Variants in EVA1A observed in about 807,000 individuals in gnomAD.
EVA1A encodes protein eva-1 homolog A.
In EVA1A, 7 loss-of-function variants were observed where a neutral mutation model predicts 9.8. The ratio of observed to expected loss-of-function variants is 0.71; its 90% CI spans 0.41 to 1.34. The LOEUF (loss-of-function observed/expected upper bound fraction) is 1.34. EVA1A is among the 40% of genes most tolerant of loss of function. The pLI, the probability that EVA1A is intolerant of heterozygous loss-of-function variation, is 0.01. For synonymous variants in EVA1A, 90 were observed against 85.6 expected (o/e 1.05, Z -0.28); for missense variants, 206 against 205.9 (o/e 1.00, Z 0.00).
rs190585210 is a variant in EVA1A at position 75,493,728 on chromosome 2, T to C, written c.86-119A>G. 28 of 880,366 alleles carry C rather than the reference T, an allele frequency of 3.2e-5. No homozygotes were observed. The African/African-American group carries it at 4.2e-4, about 13-fold the overall frequency. 54.5% of individuals were successfully genotyped at this position (880,366 alleles called of 1,614,324 possible). A position where few individuals can be genotyped will look rare whatever the true frequency, so the allele number is the denominator to read the frequency against. On this transcript the variant is annotated intron_variant, in intron 3 of 3. Transcript: ENST00000393913. ...CCCAAAGTTTTGATGGTTACAAATA[T>C]TGTCCTCCAATGTGACATATTTTAT...
chr2:75,566,926 G>T (rs921422147), intron 1 of EVA1A, among the ~76,000 whole-genome samples: 1 of 151,814 alleles, frequency 6.6e-6, no homozygotes, highest in Non-Finnish European at 1.5e-5. Flanking sequence ...TGGCTAACAA[G>T]GTTAAATAAG....
chr2:75,562,135 T>C (rs1676938822), upstream of EVA1A, among the ~76,000 whole-genome samples: 2 of 152,252 alleles, frequency 1.3e-5, no homozygotes, highest in African/African-American at 4.8e-5. Context: ...ATGATTCAAA[T>C]GTGCATTAGA....
At chr2:75,509,926 G>C (rs180881093) in intron 3 of EVA1A, among the ~76,000 whole-genome samples, 18 of 152,114 alleles carry the variant, frequency 1.2e-4, no homozygotes, top group African/African-American at 4.3e-4. Context: ...CTAATGAAGT[G>C]GGGGGTGGGA....
At chr2:75,513,026 C>G (rs748762949) in intron 3 of EVA1A, among the ~76,000 whole-genome samples, 1 of 152,180 alleles carries the variant, frequency 6.6e-6, no homozygotes, top group Non-Finnish European at 1.5e-5. Context: ...TCTACTGGAA[C>G]CTCCTTCCAT....
chr2:75,520,973 C>T (rs965463395), intron 2 of EVA1A, among the ~76,000 whole-genome samples: 1 of 152,240 alleles, frequency 6.6e-6, no homozygotes, highest in East Asian at 1.9e-4. Context: ...AGACTGCTAC[C>T]TATCCTAATT....
At chr2:75,546,546 T>C (rs1023539710) in intron 1 of EVA1A, among the ~76,000 whole-genome samples, 1 of 152,090 alleles carries the variant, frequency 6.6e-6, no homozygotes, top group African/African-American at 2.4e-5. Context: ...AAGCAGTGTA[T>C]ATACGACGTG....
intron 1 of EVA1A, among the ~76,000 whole-genome samples, chr2:75,534,487 C>T (rs1214748532): frequency 1.5e-5 from 2 of 130,282 alleles, no homozygotes; most frequent in Non-Finnish European, 3.2e-5. Context: ...AATTCTAAAA[C>T]AATGTTCAAG....
In EVA1A at chr2:75,516,519, C is replaced by A. The variant is rs73938928; in HGVS notation, c.85+1537G>T. Among the ~76,000 whole-genome samples the A allele has an allele frequency of 9.4e-3, 1,424 of 152,288 alleles. 21 individuals carry two copies. Among genetic ancestry groups the A allele is most frequent in the African/African-American group, 0.033 (1,359 of 41,572 alleles). On this transcript the variant is annotated intron_variant, in intron 3 of 3. Coordinates refer to ENST00000393913, the MANE Select transcript of EVA1A (RefSeq NM_001135032.2). The stretch of plus-strand genomic sequence containing the variant: ...AAAAACAGGGCCATGTACTTTTCAG[C>A]CTTGACAAGATCACAAGACACATGG...
intron 1 of EVA1A, among the ~76,000 whole-genome samples, chr2:75,526,625 T>C (rs1014778657): frequency 4.6e-5 from 7 of 152,150 alleles, no homozygotes; most frequent in African/African-American, 1.7e-4. Flanking sequence ...GAAACTATAC[T>C]TTGCTAGAGT....
chr2:75,529,470 A>G (rs1262222258), intron 1 of EVA1A, among the ~76,000 whole-genome samples: 1 of 152,222 alleles, frequency 6.6e-6, no homozygotes, highest in Admixed American at 6.5e-5. Flanking sequence ...CACACAGAAC[A>G]TTATTCAAGA....
At chr2:75,496,055 G>A (rs1333763204) in intron 3 of EVA1A, among the ~76,000 whole-genome samples, 1 of 152,180 alleles carries the variant, frequency 6.6e-6, no homozygotes, top group Non-Finnish European at 1.5e-5. Flanking sequence ...TACAGCATCA[G>A]TGTCAATGCT....
chr2:75,512,082 G>C (rs1363404663), intron 3 of EVA1A, among the ~76,000 whole-genome samples: 1 of 151,682 alleles, frequency 6.6e-6, no homozygotes, highest in African/African-American at 2.4e-5. Flanking sequence ...ACCCAAAGGT[G>C]ACTTTTGAGA....
intron 3 of EVA1A, among the ~76,000 whole-genome samples, chr2:75,498,528 GA>G (rs905887231): frequency 2.6e-5 from 4 of 152,140 alleles, no homozygotes; most frequent in Non-Finnish European, 4.4e-5. Context: ...ACTAATAAGG[GA>G]GGGATATGAG....
At chr2:75,555,319 C>CTT in intron 1 of EVA1A, among the ~76,000 whole-genome samples, 1 of 147,136 alleles carries the variant, frequency 6.8e-6, no homozygotes, top group South Asian at 2.3e-4. Context: ...CTCTCTCTCT[C>CTT]TCTCTCTCTC....
At chr2:75,537,917 G>A (rs1475293856) in intron 1 of EVA1A, among the ~76,000 whole-genome samples, 2 of 152,180 alleles carry the variant, frequency 1.3e-5, no homozygotes, top group African/African-American at 4.8e-5. Context: ...GCAGAATGAT[G>A]AGCCAAATAA....
intron 2 of EVA1A, among the ~76,000 whole-genome samples, chr2:75,522,020 C>T (rs1675248821): frequency 6.6e-6 from 1 of 151,882 alleles, no homozygotes; most frequent in African/African-American, 2.4e-5. Context: ...TATGATATGG[C>T]TTAATTTTAA....
chr2:75,495,548 C>A (rs1197805989), intron 3 of EVA1A, among the ~76,000 whole-genome samples: 1 of 152,164 alleles, frequency 6.6e-6, no homozygotes, highest in Non-Finnish European at 1.5e-5. Flanking sequence ...TATTAGGATT[C>A]TTTTCAATTC....
chr2:75,509,996 G>A (rs1467903375), intron 3 of EVA1A, among the ~76,000 whole-genome samples: 2 of 152,052 alleles, frequency 1.3e-5, no homozygotes, highest in African/African-American at 4.8e-5. Context: ...TTAAAGCTGG[G>A]TGACAGGTCT....
At position 75,559,476 on chromosome 2, in the gene EVA1A, T is replaced by A. The variant is rs577299168; in HGVS notation, c.-192+1204A>T. 3.9e-5 allele frequency among the ~76,000 whole-genome samples: 6 copies of A among 152,268 alleles called. No homozygotes were observed. The South Asian group carries it at 1.0e-3, about 26-fold the overall frequency. On this transcript the variant is annotated intron_variant, in intron 1 of 3. Coordinates refer to ENST00000393913, the MANE Select transcript of EVA1A (RefSeq NM_001135032.2). ...TAGCCACTGCGCTTGACTGCCTTTA[T>A]GGAAAGGAGATTCAAGCCAGCCTTC...
Sources: allele counts gnomAD v4.1 joint callset (sites outside exome capture counted in the v4.1 genomes callset), GRCh38; gene constraint gnomAD v4.1.1; transcripts MANE v1.5; gene names NCBI Gene and HGNC (gene_info 2026-07-23, HGNC 2026-07-21).